PLEKHM2: variants seen among roughly 807,000 people sequenced by gnomAD.
PLEKHM2 encodes the protein pleckstrin homology and RUN domain containing M2.
In PLEKHM2, 77 loss-of-function variants were observed where a neutral mutation model predicts 116.3. That is an observed-to-expected ratio of 0.66 (90% confidence interval 0.55 to 0.80). The LOEUF is 0.80. Ranked by LOEUF, PLEKHM2 falls within the 30% of genes least tolerant of loss-of-function variation. The pLI, the probability that PLEKHM2 is intolerant of heterozygous loss-of-function variation, is 0.00. For missense variants in PLEKHM2, 1,183 were observed against 1,354.9 expected (o/e 0.87, Z 1.99); for synonymous variants, 562 against 571.0 (o/e 0.98, Z 0.22).
rs2068053193 is a variant in PLEKHM2 at position 15,725,539 on chromosome 1, T to C, written c.935T>C (p.Val312Ala). 6.4e-7 allele frequency: 1 copy of C among 1,560,136 alleles called. No individual in the cohort carries two copies. The highest frequency in any genetic ancestry group is 1.2e-5 in the South Asian group (1 of 84,568). The change falls in exon 8 of 20, where the codon GTC becomes GCC. Residue 312 changes from valine to alanine, a missense_variant. By Grantham distance (64) the Val-to-Ala change is moderately conservative. This residue lies in a region of PLEKHM2 where 372 missense variants were observed against 357.2 expected (regional missense o/e 1.04). Transcript: ENST00000375799. Reference sequence around the variant, plus strand: ...CCGGATGCCTGCACGGAGCTCGAGGTCATCAGGTCAGCAGGGAGGGGCCCA... The same window carrying C: ...CCGGATGCCTGCACGGAGCTCGAGGCCATCAGGTCAGCAGGGAGGGGCCCA... ...DPPDACTELE[V>A]IRVTKKKKIG...
rs1310235978 is a variant in PLEKHM2 at position 15,725,372 on chromosome 1, C to T, written c.768C>T (p.Thr256=). The change falls in exon 8 of 20, where the codon ACC becomes ACT. Residue 256 remains threonine, a synonymous_variant. Transcript: ENST00000375799. ...CCCGCTCCACAGCCTCCGACCTGACCAGCAGCAAGGCCTCCACCAGGAGCC... is the reference window on the plus strand; with the variant it reads ...CCCGCTCCACAGCCTCCGACCTGACTAGCAGCAAGGCCTCCACCAGGAGCC... ...SGPRSTASDL[T]SSKASTRSPT... is the part of the protein sequence containing the mutation. The T allele has an allele frequency of 6.4e-7, 1 of 1,551,752 alleles. No homozygotes were observed. The highest frequency in any genetic ancestry group is 8.7e-7 in the Non-Finnish European group (1 of 1,147,204).
intron 1 of PLEKHM2, among the ~76,000 whole-genome samples, chr1:15,704,942 C>T (rs1641191558): frequency 6.6e-6 from 1 of 152,178 alleles, no homozygotes. Flanking sequence ...AGTGCTGCTT[C>T]TTGTGCCCTG....
At chr1:15,692,898 C>T (rs755242176) in intron 1 of PLEKHM2, among the ~76,000 whole-genome samples, 9 of 151,468 alleles carry the variant, frequency 5.9e-5, no homozygotes, top group Admixed American at 1.3e-4. Flanking sequence ...CACCACCATG[C>T]CCAGATAATT....
At position 15,728,788 on chromosome 1, in the gene PLEKHM2, C is replaced by T. The variant is rs1571069727; in HGVS notation, c.1986+55C>T. ...GCTGTAGGTACAGGGCTTCTCAAGC[C>T]ACTTACCCATAGAACTGCAGGGCGA... On this transcript the variant is annotated intron_variant, in intron 12 of 19. Transcript: ENST00000375799. The surrounding 1 kb of genome is among the most constrained non-coding windows in gnomAD (Gnocchi z 5.9). The T allele has an allele frequency of 2.0e-6, 3 of 1,485,764 alleles. No individual in the cohort carries two copies. Among genetic ancestry groups the T allele is most frequent in the Non-Finnish European group, 2.8e-6 (3 of 1,080,278 alleles). 92.0% of individuals were successfully genotyped at this position (1,485,764 alleles called of 1,614,324 possible). A position where few individuals can be genotyped will look rare whatever the true frequency, so the allele number is the denominator to read the frequency against.
upstream of PLEKHM2, among the ~76,000 whole-genome samples, chr1:15,681,757 G>A (rs1459977234): frequency 6.6e-6 from 1 of 152,200 alleles, no homozygotes; most frequent in African/African-American, 2.4e-5. Flanking sequence ...CTCATTCAAA[G>A]TAATGTGTCC....
intron 1 of PLEKHM2, among the ~76,000 whole-genome samples, chr1:15,712,496 T>C (rs1429844133): frequency 6.6e-6 from 1 of 152,188 alleles, no homozygotes; most frequent in Non-Finnish European, 1.5e-5. Context: ...CAATGGTCAC[T>C]GCAATATTAT....
Position 15,729,776 on chromosome 1 carries a change from C to A in PLEKHM2, c.2076-21C>A, listed in dbSNP as rs184406223. On this transcript the variant is annotated intron_variant, in intron 13 of 19. Coordinates refer to ENST00000375799, the MANE Select transcript of PLEKHM2 (RefSeq NM_015164.4). The surrounding 1 kb of genome is among the most constrained non-coding windows in gnomAD (Gnocchi z 4.7). ...GGCCCTGTTCCCAGGCCTCTAACCA[C>A]AAACCTCACTCCCTATGCAGGTTCT... The A allele has an allele frequency of 1.9e-6, 3 of 1,601,896 alleles. No homozygotes were observed. The highest frequency in any genetic ancestry group is 2.6e-6 in the Non-Finnish European group (3 of 1,174,916).
At chr1:15,725,833 C>T (rs2068057386) in intron 8 of PLEKHM2, 1 of 459,874 alleles carries the variant, frequency 2.2e-6, no homozygotes, top group East Asian at 3.8e-5. Flanking sequence ...GCCGGTGTGG[C>T]CAGCCTCTGA....
chr1:15,732,141 C>G, intron 17 of PLEKHM2, 93 bp downstream of exon 17: 1 of 1,284,768 alleles, frequency 7.8e-7, no homozygotes. Flanking sequence ...ACAGAGCAAC[C>G]TGAGGGCCAA....
intron 1 of PLEKHM2, among the ~76,000 whole-genome samples, chr1:15,699,213 G>A (rs1310905032): frequency 6.6e-6 from 1 of 151,944 alleles, no homozygotes; most frequent in East Asian, 1.9e-4. Context: ...GGGTACATGT[G>A]CACAATGTGC....
chr1:15,687,598 G>A (rs909055084), intron 1 of PLEKHM2, among the ~76,000 whole-genome samples: 1 of 152,124 alleles, frequency 6.6e-6, no homozygotes, highest in African/African-American at 2.4e-5. Flanking sequence ...CCTAAAGGTC[G>A]TTCTACAACA....
rs761568058 is a variant in PLEKHM2 at position 15,733,911 on chromosome 1, G to A, written c.3037G>A (p.Ala1013Thr). Reference protein sequence around the residue: ...QRSDSLCRGRASRDPWC With the variant: ...QRSDSLCRGRTSRDPWC ...GAGCGACAGTCTCTGCCGCGGCCGA[G>A]CCTCCCGAGACCCCTGGTGCTGAGG... Residue 1013 changes from alanine to threonine, a missense_variant, in exon 20 of 20, where the codon GCC becomes ACC. Physicochemically the swap from Ala to Thr is moderately conservative, Grantham distance 58 (BLOSUM62 0). Around this residue, in one of 3 missense-constraint regions of PLEKHM2, gnomAD observed 594 missense variants for 720.1 expected, o/e 0.82. Transcript: ENST00000375799. 3.7e-6 allele frequency: 6 copies of A among 1,612,676 alleles called. No homozygotes were observed. The highest frequency in any genetic ancestry group is 5.1e-6 in the Non-Finnish European group (6 of 1,179,744).
Position 15,729,002 on chromosome 1 carries a change from TG to T in PLEKHM2, c.1987-99del, listed in dbSNP as rs1007005196. ...CTTTACTTGGTGGTGGCCCGGGGTGTGCTTCTTCCTCCCCAGCAAGCGCTCA... is the reference window on the plus strand; with the variant it reads ...CTTTACTTGGTGGTGGCCCGGGGTGTCTTCTTCCTCCCCAGCAAGCGCTCA... On this transcript the variant is annotated intron_variant, in intron 12 of 19. Transcript: ENST00000375799. This position sits in a 1 kb window ranked among gnomAD's most constrained non-coding sequence, Gnocchi z 4.7. 1.3e-5 allele frequency: 14 copies of T among 1,105,832 alleles called. No homozygotes were observed. The African/African-American group carries it at 2.2e-4, about 17-fold the overall frequency. 68.5% of individuals were successfully genotyped at this position (1,105,832 alleles called of 1,614,324 possible).
intron 1 of PLEKHM2, among the ~76,000 whole-genome samples, chr1:15,692,888 C>T (rs1011149624): frequency 6.6e-6 from 1 of 151,670 alleles, no homozygotes; most frequent in African/African-American, 2.4e-5. Flanking sequence ...TATAGGCATG[C>T]ACCACCATGC....
At chr1:15,718,879 C>T (rs1326333783) in intron 5 of PLEKHM2, among the ~76,000 whole-genome samples, 1 of 152,112 alleles carries the variant, frequency 6.6e-6, no homozygotes, top group Non-Finnish European at 1.5e-5. Flanking sequence ...GGAGAAAAGC[C>T]ACATTGCCTG....
At chr1:15,700,898 G>A (rs59405825) in intron 1 of PLEKHM2, among the ~76,000 whole-genome samples, 14,486 of 151,778 alleles carry the variant, frequency 0.095, 925 homozygotes, top group African/African-American at 0.17. Flanking sequence ...TAGGTCATGA[G>A]GTCAGGAGTT....
rs1557655121 is a variant in PLEKHM2 at position 15,720,151 on chromosome 1, A to AT, written c.652+231_652+232insT. Among the ~76,000 whole-genome samples the AT allele has an allele frequency of 3.6e-4, 49 of 137,290 alleles. No homozygotes were observed. In the South Asian group the frequency reaches 0.011, roughly 30 times the overall value. 90.1% of individuals were successfully genotyped at this position (137,290 alleles called of 152,430 possible). ...AATTATATATATATATATATATATA[A>AT]AATATATATTTTTTAAGGTTAGACC... On this transcript the variant is annotated intron_variant, in intron 6 of 19. Transcript: ENST00000375799.
At position 15,734,199 on chromosome 1, in the gene PLEKHM2, G is replaced by A. The variant is rs917054777; in HGVS notation, c.*265G>A. The A allele has an allele frequency of 1.5e-5, 7 of 466,040 alleles. No individual in the cohort carries two copies. Among genetic ancestry groups the A allele is most frequent in the Non-Finnish European group, 2.3e-5 (6 of 263,650 alleles). 28.9% of individuals were successfully genotyped at this position (466,040 alleles called of 1,614,324 possible). A position where few individuals can be genotyped will look rare whatever the true frequency, so the allele number is the denominator to read the frequency against. On this transcript the variant is annotated 3_prime_UTR_variant, in exon 20 of 20. Coordinates refer to ENST00000375799, the MANE Select transcript of PLEKHM2 (RefSeq NM_015164.4). The stretch of plus-strand genomic sequence containing the variant: ...TCCGAGCCCTGTGGGCTCTGCGGAT[G>A]CACGCCCTCCTCCCGGGCCTCCGCC...
At chr1:15,716,937 C>T in intron 3 of PLEKHM2, 121 bp downstream of exon 3, 1 of 1,224,806 alleles carries the variant, frequency 8.2e-7, no homozygotes. Flanking sequence ...CTGGTGGTGT[C>T]CAGTAGCAGT....
Sources: allele counts gnomAD v4.1 joint callset (sites outside exome capture counted in the v4.1 genomes callset), GRCh38; gene constraint gnomAD v4.1.1; regional missense constraint gnomAD v4.1.1; non-coding constraint Gnocchi (gnomAD v3.1); transcripts MANE v1.5; gene names NCBI Gene and HGNC (gene_info 2026-07-23, HGNC 2026-07-21).